The following POR variants were observed in gnomAD, a reference collection of about 807,000 sequenced individuals.
The protein encoded by POR is cytochrome p450 oxidoreductase, also known as NADPH--cytochrome P450 reductase.
Under a neutral mutation model 84.0 loss-of-function variants are expected in POR, and 56 were observed. That is an observed-to-expected ratio of 0.67 (90% confidence interval 0.54 to 0.83). POR has a LOEUF of 0.83. Among genes scored for constraint, POR ranks in the 40% least tolerant of loss-of-function variants. The probability of loss-of-function intolerance (pLI) is 0.00; values close to 1 mark genes in which losing one functional copy is unlikely to be tolerated. For missense variants in POR, 938 were observed against 944.3 expected, an observed-to-expected ratio of 0.99 and a Z score of 0.09; for synonymous variants, 414 against 400.5, an observed-to-expected ratio of 1.03 and a Z score of -0.40.
chr7:75,925,657 G>A (rs1261960357), intron 1 of POR, among the ~76,000 whole-genome samples: 1 of 152,222 alleles, frequency 6.6e-6, no homozygotes, highest in Non-Finnish European at 1.5e-5. Flanking sequence ...TCTTCGAGGT[G>A]CTGGGACTAC....
chr7:75,982,212 TCC>T lies in POR; in HGVS notation c.732-9_732-8del. Reference sequence around the variant, plus strand: ...CCGCTTCCCGGCCTCACCCTTGGTCTCCCCTTTCCAGCATTCGCCAGTACGAG... The same window carrying T: ...CCGCTTCCCGGCCTCACCCTTGGTCTCCTTTCCAGCATTCGCCAGTACGAG... On this transcript the variant is annotated splice_polypyrimidine_tract_variant and intron_variant, in intron 7 of 15. Coordinates refer to ENST00000461988, the MANE Select transcript of POR (RefSeq NM_000941.3). 1 of 1,603,454 alleles carries T rather than the reference TCC, an allele frequency of 6.2e-7. No homozygotes were observed. The highest frequency in any genetic ancestry group is 8.5e-7 in the Non-Finnish European group (1 of 1,175,052).
intron 3 of POR, among the ~76,000 whole-genome samples, chr7:75,978,593 G>A (rs1488838508): frequency 1.3e-4 from 19 of 151,454 alleles, no homozygotes; most frequent in East Asian, 3.9e-4. Context: ...GCGCGATCTC[G>A]GCTCACCACA....
intron 1 of POR, among the ~76,000 whole-genome samples, chr7:75,949,790 GA>G (rs1787332933): frequency 6.6e-6 from 1 of 152,060 alleles, no homozygotes; most frequent in Non-Finnish European, 1.5e-5. Flanking sequence ...AAAGTGCTGG[GA>G]TTACAGGTGT....
intron 5 of POR, chr7:75,980,715 G>A: frequency 6.6e-7 from 1 of 1,517,694 alleles, no homozygotes; most frequent in East Asian, 2.5e-5. Context: ...GGGTGCTGGA[G>A]ACTAAAGGCA....
chr7:75,950,791 A>C (rs960632964), intron 1 of POR, among the ~76,000 whole-genome samples: 2 of 152,220 alleles, frequency 1.3e-5, no homozygotes, highest in Non-Finnish European at 2.9e-5. Context: ...GGCCAGGTGC[A>C]GTGGCTCACG....
Position 75,954,138 on chromosome 7 carries a change from A to G in POR, c.146A>G (p.Lys49Arg), listed in dbSNP as rs782289780. 1.1e-5 allele frequency: 17 copies of G among 1,612,836 alleles called. No homozygotes were observed. In the Admixed American group the frequency reaches 2.8e-4, roughly 27 times the overall value. Residue 49 changes from lysine (K) to arginine (R), a missense_variant, in exon 2 of 16, where the codon AAG becomes AGG. Coordinates refer to ENST00000461988, the MANE Select transcript of POR (RefSeq NM_000941.3). ...CTAACCTACTGGTTCCTCTTCAGAA[A>G]GAAAAAAGAAGAAGTCCCCGAGTTC...
In POR at chr7:75,981,180, C is replaced by A; in HGVS notation, c.641+8C>A. 2 of 1,532,246 alleles carry A rather than the reference C, an allele frequency of 1.3e-6. No homozygotes were observed. The highest frequency in any genetic ancestry group is 1.2e-5 in the South Asian group (1 of 82,354). The allele number at this position is 1,532,246 out of a possible 1,614,324, so 94.9% of individuals were successfully genotyped here. On this transcript the variant is annotated splice_region_variant and intron_variant, in intron 6 of 15. Transcript: ENST00000461988. Reference sequence around the variant, plus strand: ...GGGCGACGACGATGGGAAGTGAGTGCCCACCCTGCCACCATGATCAGCGCG... The same window carrying A: ...GGGCGACGACGATGGGAAGTGAGTGACCACCCTGCCACCATGATCAGCGCG...
chr7:75,981,673 G>C (rs1789055268), intron 7 of POR, 67 bp downstream of exon 7: 1 of 1,358,102 alleles, frequency 7.4e-7, no homozygotes, highest in Non-Finnish European at 1.0e-6. Flanking sequence ...AGCCACCCTG[G>C]AACAAGGGCT....
rs782534601 is a variant in POR, at chr7:75,982,285, G to A, written c.793G>A (p.Glu265Lys). Residue 265 changes from glutamate (E) to lysine (K), a missense_variant, in exon 8 of 16, where the codon GAG becomes AAG. Glu to Lys is a moderately conservative substitution (Grantham distance 56). Transcript: ENST00000461988. ...AGATGCGGCCAAGGTGTACATGGGG[G>A]AGATGGGCCGGCTGAAGAGCTACGA... 14 of 1,612,700 alleles carry A rather than the reference G, an allele frequency of 8.7e-6. No homozygotes were observed. The highest frequency in any genetic ancestry group is 1.3e-5 in the African/African-American group (1 of 74,924).
At chr7:75,960,935 A>C (rs1554554418) in intron 2 of POR, among the ~76,000 whole-genome samples, 1 of 152,162 alleles carries the variant, frequency 6.6e-6, no homozygotes, top group African/African-American at 2.4e-5. Context: ...GAACATTAAA[A>C]AGTGTGGCAG....
chr7:75,981,076 A>G lies in POR; in HGVS notation c.545A>G (p.Glu182Gly). ...TTTGGTCTTGGGAACAAGACCTACG[A>G]GCACTTCAATGCCATGGGCAAGTAC... Residue 182 changes from glutamate to glycine, a missense_variant, in exon 6 of 16, where the codon GAG becomes GGG. Transcript: ENST00000461988. 6.3e-7 allele frequency: 1 copy of G among 1,575,678 alleles called. No individual in the cohort carries two copies. Among genetic ancestry groups the G allele is most frequent in the Non-Finnish European group, 8.6e-7 (1 of 1,161,098 alleles).
intron 2 of POR, among the ~76,000 whole-genome samples, chr7:75,965,923 C>A (rs1399468748): frequency 6.6e-6 from 1 of 152,106 alleles, no homozygotes; most frequent in African/African-American, 2.4e-5. Flanking sequence ...GTGCCCGGGG[C>A]GCACTGCAGA....
At chr7:75,935,631 G>T (rs1554550725) in intron 1 of POR, among the ~76,000 whole-genome samples, 1 of 97,124 alleles carries the variant, frequency 1.0e-5, no homozygotes, top group Non-Finnish European at 1.8e-5. Context: ...GTGTGTGTGT[G>T]TGTGTGTGTG....
chr7:75,952,615 G>A (rs1270573915), intron 1 of POR, among the ~76,000 whole-genome samples: 4 of 151,322 alleles, frequency 2.6e-5, no homozygotes, highest in Admixed American at 6.6e-5. Context: ...CGGGGCGGCC[G>A]GGCAGAGACG....
chr7:75,982,139 C>A, intron 7 of POR, 85 bp from the exon 8 acceptor site: 1 of 991,028 alleles, frequency 1.0e-6, no homozygotes, highest in Non-Finnish European at 1.6e-6. Context: ...AAAGGCCATG[C>A]ACGGTCTCCC....
Position 75,954,706 on chromosome 7 carries a change from A to ATT in POR, c.188+544_188+545dup, listed in dbSNP as rs3043449. On this transcript the variant is annotated intron_variant, in intron 2 of 15. Transcript: ENST00000461988. ...AGGTGTGCACCACTATGCCCAGCTA[A>ATT]TTTTTTTTTTTTTTTTTTTGAAGCA... Among the ~76,000 whole-genome samples the ATT allele has an allele frequency of 6.8e-4, 89 of 130,560 alleles. 1 individual carries two copies. Among genetic ancestry groups the ATT allele is most frequent in the African/African-American group, 2.2e-3 (76 of 34,838 alleles). The allele number at this position is 130,560 out of a possible 152,430, so 85.7% of individuals were successfully genotyped here.
At chr7:75,938,905 C>T (rs1244828440) in intron 1 of POR, among the ~76,000 whole-genome samples, 2 of 152,220 alleles carry the variant, frequency 1.3e-5, no homozygotes, top group South Asian at 2.1e-4. Context: ...CTTCGCTCAT[C>T]CCCCTAATCT....
intron 8 of POR, 162 bp from the exon 9 acceptor site, chr7:75,983,358 C>A: frequency 1.7e-6 from 1 of 573,988 alleles, no homozygotes; most frequent in South Asian, 2.4e-5. Context: ...AAAAAGAGAA[C>A]TGCATTGGAC....
rs184668625 is a variant in POR at position 75,922,866 on chromosome 7, G to A, written c.-5+7687G>A. 4 of 577,792 alleles carry A rather than the reference G, an allele frequency of 6.9e-6. No individual in the cohort carries two copies. In the Admixed American group the frequency reaches 1.1e-4, roughly 15 times the overall value. The allele number at this position is 577,792 out of a possible 1,614,324, so 35.8% of individuals were successfully genotyped here. A position where few individuals can be genotyped will look rare whatever the true frequency, so the allele number is the denominator to read the frequency against. On this transcript the variant is annotated intron_variant, in intron 1 of 15. Coordinates refer to ENST00000461988, the MANE Select transcript of POR (RefSeq NM_000941.3). Reference sequence around the variant, plus strand: ...AGTCAAAGTAGGCACTTTTGGCAAAGGAGGAGCAGAGGGAAGGAAAAGAGC... The same window carrying A: ...AGTCAAAGTAGGCACTTTTGGCAAAAGAGGAGCAGAGGGAAGGAAAAGAGC...
Sources: allele counts gnomAD v4.1 joint callset (sites outside exome capture counted in the v4.1 genomes callset), GRCh38; gene constraint gnomAD v4.1.1; transcripts MANE v1.5; gene names NCBI Gene and HGNC (gene_info 2026-07-23, HGNC 2026-07-21).